NIPBL: variants seen among roughly 807,000 people sequenced by gnomAD.
The protein encoded by NIPBL is nipped-B-like protein.
A neutral mutation model predicts 321.8 loss-of-function variants in NIPBL; 19 were observed. The ratio of observed to expected loss-of-function variants is 0.06; its 90% CI spans 0.04 to 0.09. NIPBL has a LOEUF of 0.09. Ranked by LOEUF, NIPBL falls within the 10% of genes least tolerant of loss-of-function variation. The probability of loss-of-function intolerance (pLI) is 1.00; values close to 1 mark genes in which losing one functional copy is unlikely to be tolerated. For missense variants in NIPBL, 2,210 were observed against 3,327.0 expected (o/e 0.66, Z 8.26); for synonymous variants, 1,106 against 1,114.1 (o/e 0.99, Z 0.14).
In NIPBL at chr5:37,007,420, C is replaced by T. The variant is rs1330106892; in HGVS notation, c.4185C>T (p.Ser1395=). Residue 1395 remains serine, a synonymous_variant, in exon 18 of 47, where the codon AGC becomes AGT. Coordinates refer to ENST00000282516, the MANE Select transcript of NIPBL (RefSeq NM_133433.4). ...MLYNKVCDIV[S]SLSELLEIQL... ...ATAACAAAGTTTGTGACATTGTTAG[C>T]AGCTTATCAGAATTGCTAGAGATAC... 3.1e-6 allele frequency: 5 copies of T among 1,610,918 alleles called. No individual in the cohort carries two copies. The East Asian group carries it at 1.1e-4, about 36-fold the overall frequency.
chr5:36,968,885 T>C (rs1742540097), intron 6 of NIPBL, among the ~76,000 whole-genome samples: 1 of 152,192 alleles, frequency 6.6e-6, no homozygotes, highest in African/African-American at 2.4e-5. Context: ...GAAAAAAGTG[T>C]CATTTTCAGG....
At position 37,024,730 on chromosome 5, in the gene NIPBL, CTG is replaced by C. The variant is rs1580507486; in HGVS notation, c.5709+13_5709+14del. 2 of 1,603,336 alleles carry C rather than the reference CTG, an allele frequency of 1.2e-6. No individual in the cohort carries two copies. ...GAAGAGGGCATTAAGGTAGTGTTGA[CTG>C]TTTTAAATTTATTTTTCATTAATGT... On this transcript the variant is annotated intron_variant, in intron 30 of 46. Coordinates refer to ENST00000282516, the MANE Select transcript of NIPBL (RefSeq NM_133433.4).
Position 37,019,318 on chromosome 5 carries a change from G to T in NIPBL, c.4928G>T (p.Gly1643Val). 1 of 1,608,164 alleles carries T rather than the reference G, an allele frequency of 6.2e-7. No homozygotes were observed. The highest frequency in any genetic ancestry group is 8.5e-7 in the Non-Finnish European group (1 of 1,174,886). The change falls in exon 25 of 47, where the codon GGA becomes GTA. Residue 1643 changes from glycine (G) to valine (V), a missense_variant. Physicochemically the swap from Gly to Val is moderately radical, Grantham distance 109. This residue lies in a region of NIPBL where 138 missense variants were observed against 175.8 expected (regional missense o/e 0.79). Transcript: ENST00000282516. The stretch of plus-strand genomic sequence containing the variant: ...ATTTGGTTTATTCTATAGGTTTCAG[G>T]AGGGGAAGATGAAATCCAACAATTA... ...SIERILKQVS[G>V]GEDEIQQLQK...
At chr5:37,040,778 C>G (rs1032921862) in intron 34 of NIPBL, among the ~76,000 whole-genome samples, 1 of 152,088 alleles carries the variant, frequency 6.6e-6, no homozygotes, top group Admixed American at 6.5e-5. Flanking sequence ...TTGATCTTGC[C>G]ATTTTGCAGT....
intron 1 of NIPBL, among the ~76,000 whole-genome samples, chr5:36,889,379 C>A (rs1746150725): frequency 6.6e-6 from 1 of 152,082 alleles, no homozygotes; most frequent in South Asian, 2.1e-4. Flanking sequence ...TAATTGTAGG[C>A]TTGGGGCTAA....
chr5:37,012,636 C>CT (rs1748303274), intron 21 of NIPBL, among the ~76,000 whole-genome samples: 1 of 152,116 alleles, frequency 6.6e-6, no homozygotes, highest in African/African-American at 2.4e-5. Context: ...GTTTGTGTCC[C>CT]TGGGTACTTG....
At chr5:36,917,908 G>A (rs1748599960) in intron 1 of NIPBL, among the ~76,000 whole-genome samples, 1 of 152,314 alleles carries the variant, frequency 6.6e-6, no homozygotes, top group South Asian at 2.1e-4. Context: ...CCAGTACCAT[G>A]CTGTTTGGGT....
intron 29 of NIPBL, 69 bp downstream of exon 29, chr5:37,022,459 A>C (rs759101090): frequency 4.3e-6 from 6 of 1,379,566 alleles, no homozygotes; most frequent in Non-Finnish European, 5.9e-6. Context: ...TTTTGTTTTA[A>C]AGTGTTAAGT....
intron 1 of NIPBL, among the ~76,000 whole-genome samples, chr5:36,878,825 A>G (rs1391221618): frequency 6.6e-6 from 1 of 152,164 alleles, no homozygotes; most frequent in African/African-American, 2.4e-5. Flanking sequence ...TGTATTGGTC[A>G]GGGAGCAGTT....
intron 1 of NIPBL, among the ~76,000 whole-genome samples, chr5:36,905,506 T>C (rs1377629677): frequency 6.6e-6 from 1 of 152,158 alleles, no homozygotes; most frequent in East Asian, 1.9e-4. Flanking sequence ...CCCTGTGCAG[T>C]TTTTCCTTGC....
chr5:36,963,474 T>G (rs1266949330), intron 6 of NIPBL, among the ~76,000 whole-genome samples: 1 of 152,006 alleles, frequency 6.6e-6, no homozygotes, highest in Non-Finnish European at 1.5e-5. Context: ...ACACACGAAC[T>G]CAAGGAGAAA....
In NIPBL at chr5:36,970,411, C is replaced by CTATATATATA. The variant is rs34663125; in HGVS notation, c.611-454_611-445dup. Among the ~76,000 whole-genome samples, 46 of 143,586 alleles carry CTATATATATA rather than the reference C, an allele frequency of 3.2e-4. 1 individual carries two copies. The highest frequency in any genetic ancestry group is 4.9e-4 in the Admixed American group (7 of 14,316). The allele number at this position is 143,586 out of a possible 152,430, so 94.2% of individuals were successfully genotyped here. On this transcript the variant is annotated intron_variant, in intron 6 of 46. Transcript: ENST00000282516. Reference sequence around the variant, plus strand: ...AATAAATAAATAAAAGAATTTAAAACTATATATATATATATATATAAAATC... The same window carrying CTATATATATA: ...AATAAATAAATAAAAGAATTTAAAACTATATATATATATATATATATATATATATAAAATC...
At chr5:37,028,160 A>G (rs535162223) in intron 32 of NIPBL, among the ~76,000 whole-genome samples, 1 of 152,118 alleles carries the variant, frequency 6.6e-6, no homozygotes, top group African/African-American at 2.4e-5. Context: ...ATAAATAGAA[A>G]TGTTTATCTC....
Position 37,022,494 on chromosome 5 carries a change from A to G in NIPBL, c.5574+104A>G, listed in dbSNP as rs927283512. 7.0e-6 allele frequency: 7 copies of G among 994,642 alleles called. No homozygotes were observed. In the African/African-American group the frequency reaches 9.8e-5, roughly 14 times the overall value. The allele number at this position is 994,642 out of a possible 1,614,324, so 61.6% of individuals were successfully genotyped here. On this transcript the variant is annotated intron_variant, in intron 29 of 46. Coordinates refer to ENST00000282516, the MANE Select transcript of NIPBL (RefSeq NM_133433.4). The stretch of plus-strand genomic sequence containing the variant: ...TTAGAAAAATAAATGTACCAATTAT[A>G]TATTTATATTGTCAAATTTATGAAC...
At chr5:37,044,198 T>G in intron 34 of NIPBL, 149 bp from the exon 35 acceptor site, 1 of 675,418 alleles carries the variant, frequency 1.5e-6, no homozygotes, top group South Asian at 2.0e-5. Flanking sequence ...TCTCCTTCCA[T>G]ACCTTGAAAA....
In NIPBL at chr5:37,004,660, T is replaced by A. The variant is rs529215773; in HGVS notation, c.3855+1313T>A. On this transcript the variant is annotated intron_variant, in intron 16 of 46. Coordinates refer to ENST00000282516, the MANE Select transcript of NIPBL (RefSeq NM_133433.4). Reference sequence around the variant, plus strand: ...GGCAACAAACAATCCTCCTGCCTTGTCCTCCCAAAGCTCTGGGACCACAGA... The same window carrying A: ...GGCAACAAACAATCCTCCTGCCTTGACCTCCCAAAGCTCTGGGACCACAGA... Among the ~76,000 whole-genome samples the A allele has an allele frequency of 5.9e-5, 9 of 152,222 alleles. No homozygotes were observed. The South Asian group carries it at 1.9e-3, about 32-fold the overall frequency.
In NIPBL at chr5:36,985,954, A is replaced by G. The variant is rs1198125549; in HGVS notation, c.2774A>G (p.Lys925Arg). 1.1e-5 allele frequency: 18 copies of G among 1,613,888 alleles called. No homozygotes were observed. The highest frequency in any genetic ancestry group is 4.0e-5 in the African/African-American group (3 of 74,914). ...GATGACAAAAGGACAGAGGGTAACA[A>G]GAGTAAAGTAGACACTAATAAAGCA... Reference protein sequence around the residue: ...SKDDKRTEGNKSKVDTNKAHP... With the variant: ...SKDDKRTEGNRSKVDTNKAHP... The change falls in exon 10 of 47, where the codon AAG becomes AGG. Residue 925 changes from lysine (K) to arginine (R), a missense_variant. Coordinates refer to ENST00000282516, the MANE Select transcript of NIPBL (RefSeq NM_133433.4).
chr5:37,006,191 G>A (rs182803740), intron 16 of NIPBL, among the ~76,000 whole-genome samples, 166 bp from the exon 17 acceptor site: 52 of 152,056 alleles, frequency 3.4e-4, no homozygotes, highest in East Asian at 5.8e-4. Flanking sequence ...AACACAAATC[G>A]TGCTCAAAGT....
chr5:37,016,183 C>T lies in NIPBL; in HGVS notation c.4776+13C>T. On this transcript the variant is annotated intron_variant, in intron 23 of 46. Transcript: ENST00000282516. Reference sequence around the variant, plus strand: ...AGGGAGACTGTTGGTAAGAGTATAGCATTTAAAGATTATTAGATTACTAGA... The same window carrying T: ...AGGGAGACTGTTGGTAAGAGTATAGTATTTAAAGATTATTAGATTACTAGA... The T allele has an allele frequency of 1.2e-6, 2 of 1,611,994 alleles. No homozygotes were observed. Among genetic ancestry groups the T allele is most frequent in the African/African-American group, 1.3e-5 (1 of 74,970 alleles).
Sources: gnomAD v4.1 joint callset for allele counts (sites outside exome capture counted in the v4.1 genomes callset) on GRCh38, gnomAD v4.1.1 for gene constraint, gnomAD v4.1.1 regional missense constraint, MANE v1.5 for transcripts, NCBI Gene and HGNC (gene_info 2026-07-23, HGNC 2026-07-21) for gene names.